The following MIPEP variants were observed in gnomAD, a reference collection of about 807,000 sequenced individuals.
The protein encoded by MIPEP is mitochondrial intermediate peptidase.
Under a neutral mutation model 90.3 loss-of-function variants are expected in MIPEP, and 79 were observed. The observed-to-expected ratio is 0.87, with a 90% confidence interval of 0.73 to 1.05. The LOEUF (loss-of-function observed/expected upper bound fraction) is 1.05. Ranked by LOEUF, MIPEP falls within the 50% of genes least tolerant of loss-of-function variation. The pLI is 0.00. For missense variants in MIPEP, 940 were observed against 905.6 expected (o/e 1.04, Z -0.49); for synonymous variants, 334 against 315.8 (o/e 1.06, Z -0.61).
chr13:23,774,225 GCTT>G (rs1173205946), intron 16 of MIPEP, among the ~76,000 whole-genome samples: 3 of 151,914 alleles, frequency 2.0e-5, no homozygotes, highest in Non-Finnish European at 4.4e-5. Flanking sequence ...TAAATGTATG[GCTT>G]TTTTTTTTCT....
rs367758308 is a variant in MIPEP at position 23,730,474 on chromosome 13, G to C, written c.2045-29C>G. On this transcript the variant is annotated intron_variant, in intron 18 of 18. Transcript: ENST00000382172. The stretch of plus-strand genomic sequence containing the variant: ...CAAACAAAGGAAAGGTCAGAACTGC[G>C]TTCACCAGGAGGCAACAGGAAGCAC... 1.1e-4 allele frequency: 166 copies of C among 1,477,732 alleles called. 2 individuals are homozygous for C. The South Asian group carries it at 1.8e-3, about 16-fold the overall frequency. 91.5% of individuals were successfully genotyped at this position (1,477,732 alleles called of 1,614,324 possible). A position where few individuals can be genotyped will look rare whatever the true frequency, so the allele number is the denominator to read the frequency against.
chr13:23,761,568 A>G lies in MIPEP; in HGVS notation c.1849-1351T>C, dbSNP rs551617826. 5.3e-5 allele frequency among the ~76,000 whole-genome samples: 8 copies of G among 152,334 alleles called. No individual in the cohort carries two copies. In the South Asian group the frequency reaches 1.7e-3, roughly 32 times the overall value. On this transcript the variant is annotated intron_variant, in intron 16 of 18. Coordinates refer to ENST00000382172, the MANE Select transcript of MIPEP (RefSeq NM_005932.4). The stretch of plus-strand genomic sequence containing the variant: ...AGTTCCACTGGAAACTTCTTTTCCT[A>G]CGAATACTGCTCTTTTTCTGTTGCT...
intron 18 of MIPEP, among the ~76,000 whole-genome samples, chr13:23,751,472 G>C (rs1457185732): frequency 6.6e-6 from 1 of 152,164 alleles, no homozygotes; most frequent in African/African-American, 2.4e-5. Flanking sequence ...CATCTGATCT[G>C]ATGTTTGGTC....
intron 7 of MIPEP, among the ~76,000 whole-genome samples, chr13:23,868,717 G>A (rs1009859945): frequency 3.3e-5 from 5 of 152,118 alleles, no homozygotes; most frequent in African/African-American, 4.8e-5. Flanking sequence ...CTGAAAAAAC[G>A]TATTATGTAC....
At chr13:23,873,540 T>G (rs906674928) in intron 5 of MIPEP, among the ~76,000 whole-genome samples, 1 of 152,138 alleles carries the variant, frequency 6.6e-6, no homozygotes, top group Non-Finnish European at 1.5e-5. Context: ...GAGGATTTGA[T>G]GAGAAATATA....
At chr13:23,881,609 G>C in intron 3 of MIPEP, 90 bp downstream of exon 3, 1 of 1,105,376 alleles carries the variant, frequency 9.0e-7, no homozygotes, top group Non-Finnish European at 1.4e-6. Context: ...TGAGGGACAA[G>C]CGCTATGGAC....
At chr13:23,791,929 A>G (rs188137153) in intron 16 of MIPEP, among the ~76,000 whole-genome samples, 95 of 152,318 alleles carry the variant, frequency 6.2e-4, no homozygotes, top group Non-Finnish European at 1.2e-3. Flanking sequence ...TGCTAAATCC[A>G]ATAGTTGTTG....
At chr13:23,781,682 C>T (rs1036151674) in intron 16 of MIPEP, among the ~76,000 whole-genome samples, 1 of 152,046 alleles carries the variant, frequency 6.6e-6, no homozygotes. Flanking sequence ...GAGTCAAGAC[C>T]CATCAGTGTG....
chr13:23,872,260 G>A (rs934951545), intron 5 of MIPEP, among the ~76,000 whole-genome samples: 1 of 152,172 alleles, frequency 6.6e-6, no homozygotes, highest in Non-Finnish European at 1.5e-5. Context: ...TCGGGAGTTC[G>A]AGACCAGCCT....
intron 4 of MIPEP, 100 bp from the exon 5 acceptor site, chr13:23,875,009 T>A: frequency 2.5e-6 from 2 of 814,406 alleles, no homozygotes; most frequent in Non-Finnish European, 3.8e-6. Flanking sequence ...TCAGCCTCAC[T>A]GCCAAAAGTT....
At chr13:23,786,042 G>T (rs930802708) in intron 16 of MIPEP, among the ~76,000 whole-genome samples, 2 of 152,052 alleles carry the variant, frequency 1.3e-5, no homozygotes, top group Non-Finnish European at 2.9e-5. Flanking sequence ...AACATCGTGA[G>T]ACCCTGTCTC....
intron 17 of MIPEP, chr13:23,756,857 G>A: frequency 1.9e-6 from 1 of 520,432 alleles, no homozygotes; most frequent in Non-Finnish European, 3.4e-6. Context: ...TTGGCTATCT[G>A]TTCTGTTAAC....
intron 18 of MIPEP, among the ~76,000 whole-genome samples, chr13:23,736,879 G>C (rs1174407329): frequency 6.6e-6 from 1 of 152,154 alleles, no homozygotes; most frequent in Non-Finnish European, 1.5e-5. Context: ...TAAGAAAACA[G>C]AAGCCAAGAG....
In MIPEP at chr13:23,778,713, C is replaced by CAATAATAAT. The variant is rs10687980; in HGVS notation, c.1849-18505_1849-18497dup. Among the ~76,000 whole-genome samples the CAATAATAAT allele has an allele frequency of 2.3e-3, 345 of 150,986 alleles. 2 individuals are homozygous for CAATAATAAT. The highest frequency in any genetic ancestry group is 0.02 in the East Asian group (103 of 5,132). ...GCTCTACATTATTTTATTATACTGA[C>CAATAATAAT]AATAATAATAATAATAATACATGAC... On this transcript the variant is annotated intron_variant, in intron 16 of 18. Transcript: ENST00000382172.
chr13:23,842,238 T>G (rs1237099986), intron 10 of MIPEP: 1 of 152,202 alleles, frequency 6.6e-6, no homozygotes, highest in Non-Finnish European at 1.5e-5. Context: ...TGTCTACTTT[T>G]TAGGATTACC....
At chr13:23,806,143 A>C (rs772929784) in intron 15 of MIPEP, 74 bp from the exon 16 acceptor site, 2 of 1,482,688 alleles carry the variant, frequency 1.3e-6, no homozygotes, top group East Asian at 2.3e-5. Context: ...CAAAGATGCT[A>C]TAAGTGCACC....
intron 18 of MIPEP, among the ~76,000 whole-genome samples, chr13:23,755,958 A>G (rs751167531): frequency 7.9e-5 from 12 of 152,208 alleles, no homozygotes; most frequent in Non-Finnish European, 1.8e-4. Context: ...TAAAATCTAA[A>G]GGAAAATTTT....
chr13:23,841,219 G>C, intron 11 of MIPEP, 116 bp downstream of exon 11: 1 of 816,718 alleles, frequency 1.2e-6, no homozygotes, highest in South Asian at 2.2e-5. Flanking sequence ...GCAGAAATAA[G>C]GCAGGGGACA....
rs1263712285 is a variant in MIPEP, at chr13:23,862,343, T to C, written c.1012A>G (p.Met338Val). 6 of 1,583,564 alleles carry C rather than the reference T, an allele frequency of 3.8e-6. No individual in the cohort carries two copies. The highest frequency in any genetic ancestry group is 5.2e-6 in the Non-Finnish European group (6 of 1,158,804). ...LSERTLKDFE[M>V]IRGMKMKLNP... ...AGTTTCATTTTCATCCCTCGTATCA[T>C]CTCAAAATCTTTCAGAGTTCTATAA... is the stretch of plus-strand genomic sequence containing the variant. The change falls in exon 9 of 19, where the codon ATG (methionine) becomes GTG (valine). Residue 338 changes from methionine to valine, a missense_variant. Met to Val is a conservative substitution (Grantham distance 21, BLOSUM62 1). Transcript: ENST00000382172.
Sources: gnomAD v4.1 joint callset for allele counts (sites outside exome capture counted in the v4.1 genomes callset) on GRCh38, gnomAD v4.1.1 for gene constraint, MANE v1.5 for transcripts, NCBI Gene and HGNC (gene_info 2026-07-23, HGNC 2026-07-21) for gene names.